Variants in UTP20 observed in about 807,000 individuals in gnomAD.
The protein encoded by UTP20 is small subunit processome component 20 homolog.
In UTP20, 164 loss-of-function variants were observed where a neutral mutation model predicts 329.5. The ratio of observed to expected loss-of-function variants is 0.50; its 90% CI spans 0.44 to 0.57. UTP20 has a LOEUF of 0.57. Among genes scored for constraint, UTP20 ranks in the 20% least tolerant of loss-of-function variants. The probability of loss-of-function intolerance (pLI) is 0.00; values close to 1 mark genes in which losing one functional copy is unlikely to be tolerated. For synonymous variants in UTP20, 1,151 were observed against 1,159.3 expected (o/e 0.99, Z 0.14); for missense variants, 3,055 against 3,284.2 (o/e 0.93, Z 1.71).
chr12:101,312,665 C>G (rs1872833173), intron 21 of UTP20, among the ~76,000 whole-genome samples: 1 of 152,192 alleles, frequency 6.6e-6, no homozygotes, highest in African/African-American at 2.4e-5. Flanking sequence ...TTCTTGAACT[C>G]CTGACCTCAG....
In UTP20 at chr12:101,327,104, A is replaced by G; in HGVS notation, c.3065A>G (p.Asn1022Ser). The G allele has an allele frequency of 6.2e-7, 1 of 1,608,718 alleles. No homozygotes were observed. The highest frequency in any genetic ancestry group is 8.5e-7 in the Non-Finnish European group (1 of 1,175,600). The change falls in exon 26 of 62, where the codon AAT (asparagine) becomes AGT (serine). Residue 1022 changes from asparagine (N) to serine (S), a missense_variant. This residue lies in a region of UTP20 where 2,445 missense variants were observed against 2,575.5 expected (regional missense o/e 0.95). Transcript: ENST00000261637. ...LMRILYGRMK[N>S]KTGSKTQGKS... ...AGAATTTTGTATGGGCGAATGAAGA[A>G]TAAGACTGGGAGTAAAACTCAGGGG...
intron 56 of UTP20, among the ~76,000 whole-genome samples, chr12:101,376,605 G>C (rs1368985863): frequency 6.6e-6 from 1 of 151,848 alleles, no homozygotes; most frequent in Admixed American, 6.6e-5. Flanking sequence ...TTTTTAATGA[G>C]TAGTGCCAAA....
intron 23 of UTP20, among the ~76,000 whole-genome samples, chr12:101,320,614 G>A (rs1365422329): frequency 6.6e-6 from 1 of 151,906 alleles, no homozygotes; most frequent in African/African-American, 2.4e-5. Context: ...TAGACCCCAG[G>A]GTATGACTGT....
Position 101,300,039 on chromosome 12 carries a change from T to C in UTP20, c.1653T>C (p.Val551=), listed in dbSNP as rs1161938119. 3 of 1,614,200 alleles carry C rather than the reference T, an allele frequency of 1.9e-6. No individual in the cohort carries two copies. The South Asian group carries it at 3.3e-5, about 18-fold the overall frequency. The change falls in exon 14 of 62, where the codon GTT becomes GTC. Residue 551 remains valine, a synonymous_variant. Coordinates refer to ENST00000261637, the MANE Select transcript of UTP20 (RefSeq NM_014503.3). ...TGFIEALFMT[V]DKGSFGKGNL... ...TCATAGAGGCACTCTTCATGACTGT[T>C]GACAAAGGAAGCTTTGGGAAAGGTC... is the stretch of plus-strand genomic sequence containing the variant.
At chr12:101,344,497 A>C in intron 35 of UTP20, 98 bp from the exon 36 acceptor site, 1 of 709,112 alleles carries the variant, frequency 1.4e-6, no homozygotes, top group East Asian at 2.5e-5. Context: ...TTTTACAAGC[A>C]CAGTGACAGA....
At chr12:101,282,781 G>T (rs1405776947) in intron 2 of UTP20, among the ~76,000 whole-genome samples, 7 of 152,186 alleles carry the variant, frequency 4.6e-5, no homozygotes, top group Admixed American at 3.3e-4. Context: ...AATCTCAGTT[G>T]TCCAGTTGTG....
Position 101,375,707 on chromosome 12 carries a change from T to C in UTP20, c.7347T>C (p.Cys2449=). The C allele has an allele frequency of 6.2e-7, 1 of 1,603,324 alleles. No individual in the cohort carries two copies. Among genetic ancestry groups the C allele is most frequent in the Non-Finnish European group, 8.5e-7 (1 of 1,171,800 alleles). Residue 2449 remains cysteine (C), a synonymous_variant, in exon 56 of 62, where the codon TGT becomes TGC. Transcript: ENST00000261637. ...LTLITKLIKE[C]NIIQFTKPAE... is the part of the protein sequence containing the mutation. ...TGATAACTAAACTTATCAAGGAATGTAATATTATTCAGTTTACCAAACCCG... is the reference window on the plus strand; with the variant it reads ...TGATAACTAAACTTATCAAGGAATGCAATATTATTCAGTTTACCAAACCCG...
rs763314193 is a variant in UTP20 at position 101,290,272 on chromosome 12, C to T, written c.733C>T (p.Gln245Ter). ...VRNMFHSCTG[Q>*]AVKLILRKLG... ...AAATATGTTTCACTCCTGTACAGGC[C>T]AGGTACATAATGGGGAGGGGTGCTT... The change falls in exon 7 of 62, where the codon CAG (glutamine) becomes TAG (stop). Residue 245 changes from glutamine to a stop codon, truncating the protein, a stop_gained and splice_region_variant. Transcript: ENST00000261637. LOFTEE classifies it high-confidence loss of function. 6.3e-7 allele frequency: 1 copy of T among 1,591,214 alleles called. No homozygotes were observed. The highest frequency in any genetic ancestry group is 2.3e-5 in the East Asian group (1 of 44,354).
intron 57 of UTP20, among the ~76,000 whole-genome samples, chr12:101,379,901 C>T (rs1870587842): frequency 1.3e-5 from 2 of 151,598 alleles, no homozygotes; most frequent in Admixed American, 1.3e-4. Flanking sequence ...GTCACTGCAA[C>T]CTCTGCCTCC....
chr12:101,312,167 C>A lies in UTP20; in HGVS notation c.2443C>A (p.Leu815Ile). Residue 815 changes from leucine to isoleucine, a missense_variant, in exon 21 of 62, where the codon CTT (leucine) becomes ATT (isoleucine). Physicochemically the swap from Leu to Ile is conservative, Grantham distance 5 (BLOSUM62 2). Coordinates refer to ENST00000261637, the MANE Select transcript of UTP20 (RefSeq NM_014503.3). Reference sequence around the variant, plus strand: ...ATTGAAAACTGACTGTCAGGAAAGACTTGACCACACCAACTTCAGATTCCT... The same window carrying A: ...ATTGAAAACTGACTGTCAGGAAAGAATTGACCACACCAACTTCAGATTCCT... ...LALKTDCQER[L>I]DHTNFRFLLW... The A allele has an allele frequency of 6.2e-7, 1 of 1,614,196 alleles. No individual in the cohort carries two copies. The highest frequency in any genetic ancestry group is 8.5e-7 in the Non-Finnish European group (1 of 1,180,034).
chr12:101,327,711 C>A (rs1868614661), intron 26 of UTP20, among the ~76,000 whole-genome samples: 1 of 152,146 alleles, frequency 6.6e-6, no homozygotes, highest in South Asian at 2.1e-4. Context: ...CAATCTCTGC[C>A]CTCAACCTGA....
chr12:101,366,544 C>T lies in UTP20; in HGVS notation c.6126-14C>T, dbSNP rs1374491783. On this transcript the variant is annotated splice_polypyrimidine_tract_variant and intron_variant, in intron 46 of 61. Transcript: ENST00000261637. ...AGTGTTCTTTACCCTCTTCTCATGC[C>T]ACGTGATTGACAGAAATCCAGTAGC... The T allele has an allele frequency of 1.2e-6, 2 of 1,607,290 alleles. No individual in the cohort carries two copies. Among genetic ancestry groups the T allele is most frequent in the East Asian group, 2.2e-5 (1 of 44,744 alleles).
intron 22 of UTP20, 114 bp downstream of exon 22, chr12:101,317,777 T>C: frequency 9.0e-7 from 1 of 1,107,404 alleles, no homozygotes; most frequent in Non-Finnish European, 1.2e-6. Flanking sequence ...ACGTAAGCGC[T>C]ACATCTTCCT....
chr12:101,280,347 C>T lies in UTP20; in HGVS notation c.45+20C>T. On this transcript the variant is annotated intron_variant, in intron 1 of 61. Transcript: ENST00000261637. ...TACCGGGTGAGCGCGGGAGCTTAGG[C>T]AGGGAGCCGCGGGTCTCCGCTGCCT... 1.3e-6 allele frequency: 2 copies of T among 1,551,640 alleles called. No individual in the cohort carries two copies. Among genetic ancestry groups the T allele is most frequent in the South Asian group, 1.2e-5 (1 of 84,062 alleles).
At chr12:101,375,439 G>A (rs1055077233) in intron 55 of UTP20, among the ~76,000 whole-genome samples, 185 bp from the exon 56 acceptor site, 5 of 152,180 alleles carry the variant, frequency 3.3e-5, no homozygotes, top group Non-Finnish European at 7.3e-5. Context: ...GCATAGAGGA[G>A]CAGGGATGCT....
At chr12:101,346,901 CT>C (rs1271418072) in intron 38 of UTP20, among the ~76,000 whole-genome samples, 1 of 152,136 alleles carries the variant, frequency 6.6e-6, no homozygotes, top group East Asian at 1.9e-4. Context: ...GTTAACTCCC[CT>C]AGTCAGCAGT....
In UTP20 at chr12:101,373,026, C is replaced by T. The variant is rs939348011; in HGVS notation, c.6878+63C>T. The stretch of plus-strand genomic sequence containing the variant: ...AGTTTCTTCTTTCCCTTTAACATGG[C>T]GGCTGTCTTAAAAAGGATGGGGCCT... On this transcript the variant is annotated intron_variant, in intron 52 of 61. Coordinates refer to ENST00000261637, the MANE Select transcript of UTP20 (RefSeq NM_014503.3). 24 of 1,388,266 alleles carry T rather than the reference C, an allele frequency of 1.7e-5. No homozygotes were observed. The highest frequency in any genetic ancestry group is 1.0e-4 in the African/African-American group (7 of 70,174). 86.0% of individuals were successfully genotyped at this position (1,388,266 alleles called of 1,614,324 possible).
At chr12:101,315,016 C>T (rs1379618664) in intron 21 of UTP20, among the ~76,000 whole-genome samples, 3 of 151,954 alleles carry the variant, frequency 2.0e-5, no homozygotes, top group Non-Finnish European at 2.9e-5. Context: ...TCACATGAAC[C>T]CGGAGGCAGA....
chr12:101,372,807 G>T (rs1870337108), intron 51 of UTP20, 77 bp from the exon 52 acceptor site: 4 of 1,224,286 alleles, frequency 3.3e-6, no homozygotes, highest in Admixed American at 3.5e-5. Context: ...CTACCAGTGA[G>T]TTCCAGAAAG....
Sources: gnomAD v4.1 joint callset for allele counts (sites outside exome capture counted in the v4.1 genomes callset) on GRCh38, gnomAD v4.1.1 for gene constraint, gnomAD v4.1.1 regional missense constraint, MANE v1.5 for transcripts, NCBI Gene and HGNC (gene_info 2026-07-23, HGNC 2026-07-21) for gene names.